CSMD1: variants seen among roughly 807,000 people sequenced by gnomAD.
CSMD1 encodes CUB and sushi domain-containing protein 1.
CSMD1 carries 213 observed loss-of-function variants against 417.5 expected under a neutral mutation model. The observed-to-expected ratio is 0.51, with a 90% CI of 0.46 to 0.57. CSMD1 has a LOEUF of 0.57. CSMD1 is among the 20% of genes least tolerant of loss of function. CSMD1 has a pLI of 0.00. For synonymous variants in CSMD1, 2,862 were observed against 1,736.8 expected (o/e 1.65, Z -16.11); for missense variants, 6,923 against 4,529.7 (o/e 1.53, Z -15.17).
intron 3 of CSMD1, among the ~76,000 whole-genome samples, chr8:4,093,461 T>C (rs935922270): frequency 1.4e-4 from 21 of 152,138 alleles, no homozygotes; most frequent in Admixed American, 3.9e-4. Flanking sequence ...ATATCTGAAT[T>C]AAGATATTAA....
At chr8:3,144,719 A>G (rs1818730209) in intron 40 of CSMD1, among the ~76,000 whole-genome samples, 2 of 151,584 alleles carry the variant, frequency 1.3e-5, no homozygotes, top group East Asian at 3.9e-4. Flanking sequence ...TCTAAATTCC[A>G]GAAAATATTT....
At chr8:4,438,174 A>C (rs996837724) in intron 2 of CSMD1, among the ~76,000 whole-genome samples, 3 of 152,166 alleles carry the variant, frequency 2.0e-5, no homozygotes, top group African/African-American at 7.2e-5. Context: ...CTGACTTCTT[A>C]AAAAACTCAT....
chr8:4,353,389 G>T (rs967583893), intron 3 of CSMD1, among the ~76,000 whole-genome samples: 1 of 152,014 alleles, frequency 6.6e-6, no homozygotes, highest in Non-Finnish European at 1.5e-5. Flanking sequence ...CAGCCGTGTG[G>T]AACTGTGAGT....
chr8:4,552,471 G>T (rs552865481), intron 2 of CSMD1, among the ~76,000 whole-genome samples: 1 of 152,068 alleles, frequency 6.6e-6, no homozygotes, highest in Non-Finnish European at 1.5e-5. Context: ...ACCAAGAACA[G>T]ATTTATTGGG....
At chr8:4,583,965 G>A (rs1045596213) in intron 2 of CSMD1, among the ~76,000 whole-genome samples, 2 of 151,910 alleles carry the variant, frequency 1.3e-5, no homozygotes, top group Non-Finnish European at 2.9e-5. Context: ...CTTCACTCCT[G>A]AAGCCAACGA....
At chr8:3,454,853 T>C (rs527412613) in intron 12 of CSMD1, among the ~76,000 whole-genome samples, 10 of 152,344 alleles carry the variant, frequency 6.6e-5, no homozygotes, top group African/African-American at 1.7e-4. Flanking sequence ...ATTTGAATGT[T>C]GGCCTGCCTG....
intron 3 of CSMD1, among the ~76,000 whole-genome samples, chr8:4,039,265 T>C (rs548110730): frequency 1.3e-5 from 2 of 152,250 alleles, no homozygotes; most frequent in South Asian, 2.1e-4. Context: ...CTTAAGAAAA[T>C]ATAACTCCAA....
intron 49 of CSMD1, among the ~76,000 whole-genome samples, chr8:3,086,710 G>T (rs895358568): frequency 2.6e-5 from 4 of 152,160 alleles, no homozygotes; most frequent in Admixed American, 1.3e-4. Context: ...ACAGAGCTTA[G>T]GGCTCAAAGA....
chr8:3,866,016 A>G (rs1211244777), intron 5 of CSMD1, among the ~76,000 whole-genome samples: 1 of 152,158 alleles, frequency 6.6e-6, no homozygotes, highest in Non-Finnish European at 1.5e-5. Flanking sequence ...AGTGAGATAA[A>G]TCGCCACCAG....
At chr8:4,836,295 T>C (rs543585067) in intron 1 of CSMD1, among the ~76,000 whole-genome samples, 12 of 152,312 alleles carry the variant, frequency 7.9e-5, no homozygotes, top group African/African-American at 2.6e-4. Context: ...CTTCTTCCCC[T>C]AAGATGTTAA....
chr8:3,378,637 A>G (rs1008870780), intron 18 of CSMD1, among the ~76,000 whole-genome samples: 4 of 152,214 alleles, frequency 2.6e-5, no homozygotes, highest in African/African-American at 4.8e-5. Flanking sequence ...AACAGAACCA[A>G]TGACAAAAAC....
intron 33 of CSMD1, among the ~76,000 whole-genome samples, chr8:3,191,309 AG>A (rs1796409618): frequency 6.6e-6 from 1 of 152,112 alleles, no homozygotes; most frequent in Non-Finnish European, 1.5e-5. Flanking sequence ...TACAAAAATT[AG>A]CCGGGCATGG....
rs374688045 is a variant in CSMD1 at position 3,449,351 on chromosome 8, C to G, written c.1561+19361G>C. The stretch of plus-strand genomic sequence containing the variant: ...CAAACTCAATATAATCTTGTTTTCT[C>G]TACCCCTCTGTTATGTGACAATGTC... On this transcript the variant is annotated intron_variant, in intron 12 of 69. Transcript: ENST00000635120. 2.0e-5 allele frequency among the ~76,000 whole-genome samples: 3 copies of G among 152,148 alleles called. No homozygotes were observed. In the East Asian group the frequency reaches 5.8e-4, roughly 29 times the overall value.
chr8:4,212,216 T>C (rs1800356935), intron 3 of CSMD1, among the ~76,000 whole-genome samples: 1 of 150,854 alleles, frequency 6.6e-6, no homozygotes, highest in African/African-American at 2.4e-5. Context: ...CCATGTTGTT[T>C]TAACTTATTA....
At chr8:4,358,453 G>T (rs551166816) in intron 3 of CSMD1, among the ~76,000 whole-genome samples, 3 of 152,162 alleles carry the variant, frequency 2.0e-5, no homozygotes, top group Non-Finnish European at 4.4e-5. Context: ...CAGTCGGCCT[G>T]GGGGGAGCTG....
chr8:4,149,216 G>C (rs766494286), intron 3 of CSMD1, among the ~76,000 whole-genome samples: 7 of 151,940 alleles, frequency 4.6e-5, no homozygotes, highest in Non-Finnish European at 7.4e-5. Context: ...CGTCCACCTC[G>C]GCCTCCCAAA....
At chr8:4,033,256 C>A (rs1036446639) in intron 3 of CSMD1, among the ~76,000 whole-genome samples, 1 of 150,836 alleles carries the variant, frequency 6.6e-6, no homozygotes, top group Non-Finnish European at 1.5e-5. Context: ...CTGGCTAACA[C>A]GGTGAAACCC....
In CSMD1 at chr8:3,448,294, A is replaced by C. The variant is rs573493222; in HGVS notation, c.1561+20418T>G. Among the ~76,000 whole-genome samples, 4 of 58,858 alleles carry C rather than the reference A, an allele frequency of 6.8e-5. No homozygotes were observed. In the South Asian group the frequency reaches 3.1e-3, roughly 46 times the overall value. The allele number at this position is 58,858 out of a possible 152,430, so 38.6% of individuals were successfully genotyped here. A position where few individuals can be genotyped will look rare whatever the true frequency, so the allele number is the denominator to read the frequency against. On this transcript the variant is annotated intron_variant, in intron 12 of 69. Transcript: ENST00000635120. ...CAAAAGAGGGACACACATCTTTCTGAAACTGGTGGGAAGGAAGGAAGGAAG... is the reference window on the plus strand; with the variant it reads ...CAAAAGAGGGACACACATCTTTCTGCAACTGGTGGGAAGGAAGGAAGGAAG...
intron 11 of CSMD1, among the ~76,000 whole-genome samples, chr8:3,483,090 A>G (rs4333624): frequency 4.6e-5 from 7 of 152,198 alleles, no homozygotes; most frequent in Admixed American, 3.9e-4. Flanking sequence ...TGCAAAATAG[A>G]CTCAAAGAAA....
Sources: allele counts gnomAD v4.1 joint callset (sites outside exome capture counted in the v4.1 genomes callset), GRCh38; gene constraint gnomAD v4.1.1; transcripts MANE v1.5; gene names NCBI Gene and HGNC (gene_info 2026-07-23, HGNC 2026-07-21).